The following UNC5D variants were observed in gnomAD, a reference collection of about 807,000 sequenced individuals.
UNC5D encodes the protein unc-5 netrin receptor D.
A neutral mutation model predicts 105.4 loss-of-function variants in UNC5D; 39 were observed. That is an observed-to-expected ratio of 0.37 (90% CI 0.29 to 0.48). UNC5D has a LOEUF of 0.48. UNC5D is among the 20% of genes least tolerant of loss of function. The pLI, the probability that UNC5D is intolerant of heterozygous loss-of-function variation, is 0.98. For synonymous variants in UNC5D, 452 were observed against 450.4 expected, an observed-to-expected ratio of 1.00 and a Z score of -0.04; for missense variants, 991 against 1,202.4, an observed-to-expected ratio of 0.82 and a Z score of 2.60.
intron 1 of UNC5D, among the ~76,000 whole-genome samples, chr8:35,400,256 A>G (rs1804372212): frequency 6.6e-6 from 1 of 152,014 alleles, no homozygotes; most frequent in African/African-American, 2.4e-5. Context: ...ATGCTGATAT[A>G]TTGGGAAAAT....
At chr8:35,562,298 G>A (rs375937913) in intron 2 of UNC5D, among the ~76,000 whole-genome samples, 1 of 151,948 alleles carries the variant, frequency 6.6e-6, no homozygotes, top group South Asian at 2.1e-4. Context: ...TCACGGGGTC[G>A]CAGATATCTC....
chr8:35,464,980 A>G (rs1265147600), intron 1 of UNC5D, among the ~76,000 whole-genome samples: 1 of 152,174 alleles, frequency 6.6e-6, no homozygotes, highest in Non-Finnish European at 1.5e-5. Flanking sequence ...TCTGGCACTT[A>G]TCTGTCACCA....
At chr8:35,502,898 G>A (rs1040064651) in intron 1 of UNC5D, among the ~76,000 whole-genome samples, 1 of 152,066 alleles carries the variant, frequency 6.6e-6, no homozygotes, top group Non-Finnish European at 1.5e-5. Flanking sequence ...CTCACAGAAA[G>A]GATGATCCTG....
chr8:35,697,142 C>T (rs767547823), intron 7 of UNC5D, among the ~76,000 whole-genome samples: 2 of 113,674 alleles, frequency 1.8e-5, no homozygotes, highest in Non-Finnish European at 3.1e-5. Flanking sequence ...TATATACATA[C>T]ACACACACAC....
intron 1 of UNC5D, among the ~76,000 whole-genome samples, chr8:35,322,752 T>C (rs982710356): frequency 7.0e-4 from 106 of 152,340 alleles, no homozygotes; most frequent in African/African-American, 2.4e-3. Context: ...TTCTCATTTT[T>C]CCTAATCATG....
At chr8:35,502,943 T>C (rs1403607880) in intron 1 of UNC5D, among the ~76,000 whole-genome samples, 1 of 152,212 alleles carries the variant, frequency 6.6e-6, no homozygotes, top group Non-Finnish European at 1.5e-5. Context: ...AAGGAAACTA[T>C]GCTCAAGCTC....
chr8:35,252,562 C>T (rs950451291), intron 1 of UNC5D, among the ~76,000 whole-genome samples: 2 of 152,110 alleles, frequency 1.3e-5, no homozygotes, highest in African/African-American at 2.4e-5. Context: ...TATTATGTTT[C>T]ATCTGTATTA....
At chr8:35,682,526 T>C (rs1007443060) in intron 4 of UNC5D, among the ~76,000 whole-genome samples, 1 of 152,160 alleles carries the variant, frequency 6.6e-6, no homozygotes, top group Admixed American at 6.5e-5. Context: ...ATGGTTGTTG[T>C]CAAACAAGAG....
chr8:35,603,851 G>A (rs1215705060), intron 4 of UNC5D, among the ~76,000 whole-genome samples: 1 of 152,110 alleles, frequency 6.6e-6, no homozygotes, highest in Non-Finnish European at 1.5e-5. Context: ...TTTTATCAGA[G>A]ACTAGGATTG....
chr8:35,258,319 CA>C (rs1460303069), intron 1 of UNC5D, among the ~76,000 whole-genome samples: 1 of 152,234 alleles, frequency 6.6e-6, no homozygotes, highest in African/African-American at 2.4e-5. Context: ...CATATGGTTG[CA>C]TTGGGGATTA....
At chr8:35,668,148 A>T (rs940491077) in intron 4 of UNC5D, among the ~76,000 whole-genome samples, 1 of 152,112 alleles carries the variant, frequency 6.6e-6, no homozygotes, top group African/African-American at 2.4e-5. Flanking sequence ...TCATTTTCAT[A>T]TTCATTATTG....
intron 7 of UNC5D, among the ~76,000 whole-genome samples, chr8:35,689,341 G>A (rs947549114): frequency 1.3e-4 from 20 of 152,322 alleles, no homozygotes; most frequent in African/African-American, 3.8e-4. Flanking sequence ...GTTTAAGGCT[G>A]AAAGAACTTA....
chr8:35,546,805 T>TA (rs59784684), intron 1 of UNC5D, among the ~76,000 whole-genome samples: 7,099 of 152,232 alleles, frequency 0.047, 480 homozygotes, highest in African/African-American at 0.15. Context: ...AAAATATTTT[T>TA]AAAAAACCAC....
rs1002480199 is a variant in UNC5D, at chr8:35,794,715, C to T, written c.*4152C>T. The T allele has an allele frequency of 2.0e-5, 3 of 152,504 alleles. No homozygotes were observed. The highest frequency in any genetic ancestry group is 2.9e-5 in the Non-Finnish European group (2 of 68,034). 9.4% of individuals were successfully genotyped at this position (152,504 alleles called of 1,614,324 possible). A position where few individuals can be genotyped will look rare whatever the true frequency, so the allele number is the denominator to read the frequency against. On this transcript the variant is annotated 3_prime_UTR_variant, in exon 17 of 17. Coordinates refer to ENST00000404895, the MANE Select transcript of UNC5D (RefSeq NM_080872.4). ...CGTTCCAAACTCTTTCAAAAGCTGC[C>T]GTTACAAAGCTGTTTGGCTGTATTG... is the stretch of plus-strand genomic sequence containing the variant.
chr8:35,765,912 C>T (rs1056722521), intron 14 of UNC5D, among the ~76,000 whole-genome samples: 4 of 151,956 alleles, frequency 2.6e-5, no homozygotes, highest in African/African-American at 4.8e-5. Flanking sequence ...AAAAAGTGAG[C>T]GTGAGGATTA....
intron 4 of UNC5D, among the ~76,000 whole-genome samples, chr8:35,678,663 GACC>G (rs1003956419): frequency 6.6e-5 from 10 of 151,958 alleles, no homozygotes; most frequent in Middle Eastern, 3.4e-3. Flanking sequence ...CATGTATTAT[GACC>G]ACTTTTTTAT....
At chr8:35,356,193 A>G (rs978598425) in intron 1 of UNC5D, among the ~76,000 whole-genome samples, 2 of 152,016 alleles carry the variant, frequency 1.3e-5, no homozygotes, top group Non-Finnish European at 2.9e-5. Context: ...TCGTTTGCCT[A>G]TTTTCCCCAC....
At chr8:35,475,700 G>A (rs1158706790) in intron 1 of UNC5D, among the ~76,000 whole-genome samples, 3 of 152,134 alleles carry the variant, frequency 2.0e-5, no homozygotes, top group African/African-American at 4.8e-5. Context: ...AAGGGGTGGG[G>A]ACAAATTGGT....
At chr8:35,248,989 TA>T (rs1803468227) in intron 1 of UNC5D, among the ~76,000 whole-genome samples, 1 of 91,666 alleles carries the variant, frequency 1.1e-5, no homozygotes, top group Non-Finnish European at 1.9e-5. Context: ...TTATATAATA[TA>T]TTATATATAA....
Sources: gnomAD v4.1 joint callset for allele counts (sites outside exome capture counted in the v4.1 genomes callset) on GRCh38, gnomAD v4.1.1 for gene constraint, MANE v1.5 for transcripts, NCBI Gene and HGNC (gene_info 2026-07-23, HGNC 2026-07-21) for gene names.